Variants in TTLL11 observed in about 807,000 individuals in gnomAD.
TTLL11 encodes the protein tubulin polyglutamylase TTLL11.
Under a neutral mutation model 51.7 loss-of-function variants are expected in TTLL11, and 42 were observed. The ratio of observed to expected loss-of-function variants is 0.81; its 90% CI spans 0.64 to 1.05. The LOEUF is 1.05. Ranked by LOEUF, TTLL11 falls within the 50% of genes least tolerant of loss-of-function variation. TTLL11 has a pLI of 0.00. For missense variants in TTLL11, 799 were observed against 940.4 expected, an observed-to-expected ratio of 0.85 and a Z score of 1.97; for synonymous variants, 381 against 383.5, an observed-to-expected ratio of 0.99 and a Z score of 0.08.
chr9:122,013,742 C>T (rs1402579822), intron 3 of TTLL11, among the ~76,000 whole-genome samples: 1 of 152,122 alleles, frequency 6.6e-6, no homozygotes, highest in Non-Finnish European at 1.5e-5. Context: ...GCAGCCATAC[C>T]GTAGCCTTCA....
At chr9:122,083,108 G>C (rs748425427) in intron 1 of TTLL11, among the ~76,000 whole-genome samples, 1 of 152,084 alleles carries the variant, frequency 6.6e-6, no homozygotes, top group Non-Finnish European at 1.5e-5. Flanking sequence ...ATGATATCAT[G>C]ATGGTAATTA....
chr9:121,958,600 CTAG>C lies in TTLL11; in HGVS notation c.1481+15406_1481+15408del, dbSNP rs1588154615. On this transcript the variant is annotated intron_variant, in intron 6 of 8. Transcript: ENST00000321582. Reference sequence around the variant, plus strand: ...TGGTGTATAGAAACAGAGGCTTCAGCTAGTAGATTTGGACACAGGTAACCGTTT... The same window carrying C: ...TGGTGTATAGAAACAGAGGCTTCAGCTAGATTTGGACACAGGTAACCGTTT... Among the ~76,000 whole-genome samples, 5 of 152,172 alleles carry C rather than the reference CTAG, an allele frequency of 3.3e-5. No homozygotes were observed. The East Asian group carries it at 9.6e-4, about 29-fold the overall frequency.
intron 2 of TTLL11, among the ~76,000 whole-genome samples, chr9:122,039,042 A>G (rs1588229479): frequency 6.6e-6 from 1 of 152,220 alleles, no homozygotes; most frequent in South Asian, 2.1e-4. Flanking sequence ...ATAACCCAAA[A>G]AGTGGAAACC....
In TTLL11 at chr9:121,821,627, G is replaced by A. The variant is rs546890750; in HGVS notation, c.*960C>T. Among the ~76,000 whole-genome samples the A allele has an allele frequency of 6.6e-6, 1 of 152,174 alleles. No individual in the cohort carries two copies. The highest frequency in any genetic ancestry group is 1.9e-4 in the East Asian group (1 of 5,168). ...AGGGGGGCTACCTGGGGATACAGAT[G>A]GAGACAAGGAAAGGGTCTCATGGAA... On this transcript the variant is annotated 3_prime_UTR_variant, in exon 9 of 9. Transcript: ENST00000321582. The surrounding 1 kb of genome is among the most constrained non-coding windows in gnomAD (Gnocchi z 5.0).
Position 121,870,613 on chromosome 9 carries a change from G to C in TTLL11, c.1617C>G (p.Tyr539Ter), listed in dbSNP as rs190471274. 1 of 1,551,712 alleles carries C rather than the reference G, an allele frequency of 6.4e-7. No homozygotes were observed. The highest frequency in any genetic ancestry group is 8.7e-7 in the Non-Finnish European group (1 of 1,146,994). Residue 539 changes from tyrosine to a stop codon, truncating the protein, a stop_gained, in exon 7 of 9, where the codon TAC (tyrosine) becomes TAG (stop). Coordinates refer to ENST00000321582, the MANE Select transcript of TTLL11 (RefSeq NM_001139442.2). LOFTEE classifies it high-confidence loss of function. Reference protein sequence around the residue: ...SICLKQVFPKYAKQFNYLRLV... With the variant: ...SICLKQVFPK Reference sequence around the variant, plus strand: ...GGCGCAGGTAGTTGAACTGTTTTGCGTACTTGGGGAACACCTGCTTGAGGC... The same window carrying C: ...GGCGCAGGTAGTTGAACTGTTTTGCCTACTTGGGGAACACCTGCTTGAGGC...
chr9:121,956,953 G>T (rs1007845945), intron 6 of TTLL11, among the ~76,000 whole-genome samples: 7 of 152,186 alleles, frequency 4.6e-5, no homozygotes, highest in African/African-American at 1.4e-4. Flanking sequence ...GACCTCAGCA[G>T]GGAGTAGTTA....
At position 122,014,516 on chromosome 9, in the gene TTLL11, A is replaced by G. The variant is rs549036264; in HGVS notation, c.693+17207T>C. Among the ~76,000 whole-genome samples, 34 of 152,260 alleles carry G rather than the reference A, an allele frequency of 2.2e-4. 1 individual carries two copies. The highest frequency in any genetic ancestry group is 7.9e-4 in the African/African-American group (33 of 41,538). On this transcript the variant is annotated intron_variant, in intron 3 of 8. Coordinates refer to ENST00000321582, the MANE Select transcript of TTLL11 (RefSeq NM_001139442.2). The stretch of plus-strand genomic sequence containing the variant: ...CACTCCATGTTATGCTGGTTTCCAT[A>G]GTGCCTGTGTTTAATTCCATCCCAG...
chr9:121,967,793 T>C (rs1842445956), intron 6 of TTLL11, among the ~76,000 whole-genome samples: 1 of 152,230 alleles, frequency 6.6e-6, no homozygotes, highest in African/African-American at 2.4e-5. Context: ...ATCCATCTCT[T>C]GGAATATTAT....
At chr9:122,068,123 T>C (rs1034125282) in intron 1 of TTLL11, among the ~76,000 whole-genome samples, 2 of 152,224 alleles carry the variant, frequency 1.3e-5, no homozygotes, top group African/African-American at 4.8e-5. Flanking sequence ...ATTTGTATTA[T>C]GGAATGTGAT....
chr9:121,995,673 C>T lies in TTLL11; in HGVS notation c.694-5903G>A, dbSNP rs922068391. On this transcript the variant is annotated intron_variant, in intron 3 of 8. Coordinates refer to ENST00000321582, the MANE Select transcript of TTLL11 (RefSeq NM_001139442.2). The surrounding 1 kb of genome is among the most constrained non-coding windows in gnomAD (Gnocchi z 4.4). ...CTTCATCTAATGAGTATTATTTGCA[C>T]GACTCCAGACAGAGCTAATTTAGGA... 6.6e-6 allele frequency among the ~76,000 whole-genome samples: 1 copy of T among 152,102 alleles called. No individual in the cohort carries two copies.
Position 121,890,773 on chromosome 9 carries a change from G to A in TTLL11, c.1482-20025C>T, listed in dbSNP as rs751278448. Among the ~76,000 whole-genome samples, 13 of 151,974 alleles carry A rather than the reference G, an allele frequency of 8.6e-5. No homozygotes were observed. The highest frequency in any genetic ancestry group is 3.3e-4 in the Admixed American group (5 of 15,272). ...TAAGTGCTCAATAAACACTGGCTAG[G>A]TGCATGAATGCATGAATGGGTGCAT... On this transcript the variant is annotated intron_variant, in intron 6 of 8. Transcript: ENST00000321582. This position sits in a 1 kb window ranked among gnomAD's most constrained non-coding sequence, Gnocchi z 4.3.
intron 6 of TTLL11, among the ~76,000 whole-genome samples, chr9:121,966,621 T>A (rs2131638126): frequency 6.6e-6 from 1 of 152,282 alleles, no homozygotes; most frequent in East Asian, 1.9e-4. Context: ...AAGAGGAAAT[T>A]TTCCGTTGAT....
At chr9:121,999,284 C>T (rs1843387103) in intron 3 of TTLL11, among the ~76,000 whole-genome samples, 1 of 152,172 alleles carries the variant, frequency 6.6e-6, no homozygotes, top group East Asian at 1.9e-4. Flanking sequence ...CAGATAACTC[C>T]CCACTCTCTA....
intron 8 of TTLL11, among the ~76,000 whole-genome samples, chr9:121,833,944 A>C: frequency 1.3e-5 from 2 of 152,104 alleles, no homozygotes. Flanking sequence ...CTCTCTCCCC[A>C]GTCTTTAAAT....
chr9:121,891,118 T>C (rs908613600), intron 6 of TTLL11, among the ~76,000 whole-genome samples: 26 of 152,212 alleles, frequency 1.7e-4, no homozygotes, highest in African/African-American at 6.3e-4. Flanking sequence ...TTTCACGCTA[T>C]ATTACAATCG....
At chr9:121,970,780 A>G (rs1207723945) in intron 6 of TTLL11, among the ~76,000 whole-genome samples, 3 of 152,244 alleles carry the variant, frequency 2.0e-5, no homozygotes, top group Non-Finnish European at 4.4e-5. Flanking sequence ...CTATTGTGGA[A>G]GACAGTGTGG....
At chr9:121,899,555 C>G (rs1348103786) in intron 6 of TTLL11, among the ~76,000 whole-genome samples, 2 of 151,624 alleles carry the variant, frequency 1.3e-5, no homozygotes, top group Non-Finnish European at 2.9e-5. Context: ...AGGTGCACCA[C>G]CATGCCCAGC....
chr9:121,978,113 C>T (rs897427502), intron 4 of TTLL11, among the ~76,000 whole-genome samples: 11 of 152,152 alleles, frequency 7.2e-5, no homozygotes, highest in Admixed American at 7.2e-4. Flanking sequence ...ACATTTTTTG[C>T]ACAGTGCTTG....
intron 8 of TTLL11, among the ~76,000 whole-genome samples, chr9:121,839,132 G>A (rs1588060189): frequency 6.6e-6 from 1 of 152,306 alleles, no homozygotes; most frequent in African/African-American, 2.4e-5. Context: ...TATAAATGAG[G>A]TCCTCTCTGT....
Sources: gnomAD v4.1 joint callset for allele counts (sites outside exome capture counted in the v4.1 genomes callset) on GRCh38, gnomAD v4.1.1 for gene constraint, Gnocchi (gnomAD v3.1) non-coding constraint, MANE v1.5 for transcripts, NCBI Gene and HGNC (gene_info 2026-07-23, HGNC 2026-07-21) for gene names.